GPC5: variants seen among roughly 807,000 people sequenced by gnomAD.
GPC5 encodes the protein glypican-5.
In GPC5, 47 loss-of-function variants were observed where a neutral mutation model predicts 53.9. That is an observed-to-expected ratio of 0.87 (90% CI 0.69 to 1.11). The LOEUF (loss-of-function observed/expected upper bound fraction) is 1.11, where lower values mean the gene tolerates loss of function less well. GPC5 is among the 50% of genes most tolerant of loss of function. The pLI is 0.00. For synonymous variants in GPC5, 286 were observed against 263.3 expected, an observed-to-expected ratio of 1.09 and a Z score of -0.84; for missense variants, 748 against 713.1, an observed-to-expected ratio of 1.05 and a Z score of -0.56.
intron 6 of GPC5, among the ~76,000 whole-genome samples, chr13:91,969,396 C>T (rs2040219688): frequency 6.6e-6 from 1 of 151,986 alleles, no homozygotes. Flanking sequence ...GGATTAAAGG[C>T]TTACATAGAA....
At chr13:92,737,458 G>A (rs968266317) in intron 7 of GPC5, among the ~76,000 whole-genome samples, 3 of 152,002 alleles carry the variant, frequency 2.0e-5, no homozygotes, top group African/African-American at 7.2e-5. Context: ...CATGTAAATT[G>A]TGCCTTAAAT....
At chr13:91,858,154 C>T (rs922093735) in intron 5 of GPC5, among the ~76,000 whole-genome samples, 2 of 151,524 alleles carry the variant, frequency 1.3e-5, no homozygotes, top group African/African-American at 4.8e-5. Flanking sequence ...TTATTTCTTT[C>T]TTTTGACTGA....
rs564211030 is a variant in GPC5, at chr13:91,448,631, G to A, written c.164-130G>A. The A allele has an allele frequency of 4.9e-6, 4 of 817,266 alleles. No homozygotes were observed. The Admixed American group carries it at 9.1e-5, about 19-fold the overall frequency. 50.6% of individuals were successfully genotyped at this position (817,266 alleles called of 1,614,324 possible). A position where few individuals can be genotyped will look rare whatever the true frequency, so the allele number is the denominator to read the frequency against. On this transcript the variant is annotated intron_variant, in intron 1 of 7. Transcript: ENST00000377067. ...TGAGCAATAGATAAACTTTCTTATAGCAAGTACTCTAGCAAATCCATTCCT... is the reference window on the plus strand; with the variant it reads ...TGAGCAATAGATAAACTTTCTTATAACAAGTACTCTAGCAAATCCATTCCT...
intron 7 of GPC5, among the ~76,000 whole-genome samples, chr13:92,825,974 T>A (rs1002916284): frequency 4.6e-5 from 7 of 152,164 alleles, no homozygotes; most frequent in Admixed American, 1.3e-4. Flanking sequence ...CATTCTTTCA[T>A]GAGGGACTTA....
At chr13:91,549,208 G>T (rs1318023741) in intron 2 of GPC5, among the ~76,000 whole-genome samples, 1 of 151,552 alleles carries the variant, frequency 6.6e-6, no homozygotes, top group Non-Finnish European at 1.5e-5. Context: ...GGTGGAGATT[G>T]CAGTGAGCCA....
intron 2 of GPC5, among the ~76,000 whole-genome samples, chr13:91,610,285 A>G (rs2033506892): frequency 6.6e-6 from 1 of 152,220 alleles, no homozygotes; most frequent in African/African-American, 2.4e-5. Flanking sequence ...TTTGGAAAAC[A>G]GTAATGAAAA....
At chr13:91,943,434 A>G (rs1371241736) in intron 6 of GPC5, among the ~76,000 whole-genome samples, 1 of 152,014 alleles carries the variant, frequency 6.6e-6, no homozygotes, top group African/African-American at 2.4e-5. Flanking sequence ...ACGTTTTTAG[A>G]TCATCAGAAG....
At chr13:92,708,924 C>T (rs1339119717) in intron 7 of GPC5, among the ~76,000 whole-genome samples, 1 of 106,290 alleles carries the variant, frequency 9.4e-6, no homozygotes, top group Non-Finnish European at 1.7e-5. Flanking sequence ...GCTCTGTTGC[C>T]CAGGCTGGAG....
At chr13:92,406,942 AT>A (rs1328377389) in intron 7 of GPC5, among the ~76,000 whole-genome samples, 1 of 152,158 alleles carries the variant, frequency 6.6e-6, no homozygotes, top group African/African-American at 2.4e-5. Flanking sequence ...CTCTTTGCAG[AT>A]TTTTTTAAAT....
Position 91,946,894 on chromosome 13 carries a change from A to AT in GPC5, c.1401+38847dup, listed in dbSNP as rs781040730. ...ACTTGTTCATTTGAAATTAAAGCAC[A>AT]TTTTTTTTTTCAGAGTGTATTCTGC... is the stretch of plus-strand genomic sequence containing the variant. On this transcript the variant is annotated intron_variant, in intron 6 of 7. Transcript: ENST00000377067. Among the ~76,000 whole-genome samples the AT allele has an allele frequency of 2.7e-3, 411 of 150,108 alleles. 5 individuals are homozygous for AT. The East Asian group carries it at 0.033, about 12-fold the overall frequency.
chr13:92,093,604 G>GA (rs2041398306), intron 6 of GPC5, among the ~76,000 whole-genome samples: 1 of 152,110 alleles, frequency 6.6e-6, no homozygotes, highest in Non-Finnish European at 1.5e-5. Context: ...ACAAATATCA[G>GA]TGTTTTCTTT....
chr13:92,784,372 C>G (rs1876138161), intron 7 of GPC5, among the ~76,000 whole-genome samples: 1 of 151,980 alleles, frequency 6.6e-6, no homozygotes, highest in Admixed American at 6.6e-5. Flanking sequence ...AGTTTTTCTG[C>G]CACTAAAGTG....
At chr13:92,015,439 T>A (rs1305807543) in intron 6 of GPC5, among the ~76,000 whole-genome samples, 3 of 152,152 alleles carry the variant, frequency 2.0e-5, no homozygotes, top group African/African-American at 7.2e-5. Context: ...CTACTGCATA[T>A]CTTCCACCCA....
At chr13:92,585,475 T>C (rs1883508653) in intron 7 of GPC5, among the ~76,000 whole-genome samples, 1 of 152,212 alleles carries the variant, frequency 6.6e-6, no homozygotes, top group East Asian at 1.9e-4. Context: ...ACCCACGTTG[T>C]ATCTAGAAGG....
At chr13:92,512,456 A>AC (rs1379399797) in intron 7 of GPC5, among the ~76,000 whole-genome samples, 1 of 152,154 alleles carries the variant, frequency 6.6e-6, no homozygotes, top group Non-Finnish European at 1.5e-5. Flanking sequence ...CAATACATAA[A>AC]ATATATCTTA....
intron 2 of GPC5, among the ~76,000 whole-genome samples, chr13:91,601,096 G>C (rs1305891450): frequency 6.6e-6 from 1 of 152,040 alleles, no homozygotes; most frequent in Non-Finnish European, 1.5e-5. Flanking sequence ...CATTGTGAGG[G>C]CATCTTCAAG....
chr13:91,454,748 C>T (rs1881418831), intron 2 of GPC5, among the ~76,000 whole-genome samples: 1 of 151,996 alleles, frequency 6.6e-6, no homozygotes, highest in Non-Finnish European at 1.5e-5. Context: ...TATCTGTTAG[C>T]ATAAAGGAAG....
At chr13:92,447,777 A>G (rs1566594728) in intron 7 of GPC5, 1 of 152,136 alleles carries the variant, frequency 6.6e-6, no homozygotes, top group Non-Finnish European at 1.5e-5. Context: ...GCCACCTTGC[A>G]GGGCGTGCAG....
At chr13:92,206,996 T>C (rs1447704780) in intron 7 of GPC5, among the ~76,000 whole-genome samples, 1 of 152,190 alleles carries the variant, frequency 6.6e-6, no homozygotes, top group East Asian at 1.9e-4. Context: ...CTTGAGGTAT[T>C]AATATAATAT....
Sources: gnomAD v4.1 joint callset for allele counts (sites outside exome capture counted in the v4.1 genomes callset) on GRCh38, gnomAD v4.1.1 for gene constraint, MANE v1.5 for transcripts, NCBI Gene and HGNC (gene_info 2026-07-23, HGNC 2026-07-21) for gene names.